Variants in CUBN observed in about 807,000 individuals in gnomAD.
The protein encoded by CUBN is 460 kDa receptor.
CUBN carries 282 observed loss-of-function variants against 405.3 expected under a neutral mutation model. The observed-to-expected ratio is 0.70, with a 90% confidence interval of 0.63 to 0.77. The LOEUF is 0.77. Among genes scored for constraint, CUBN ranks in the 30% least tolerant of loss-of-function variants. The probability of loss-of-function intolerance (pLI) is 0.00; values close to 1 mark genes in which losing one functional copy is unlikely to be tolerated. For synonymous variants in CUBN, 1,684 were observed against 1,617.0 expected, an observed-to-expected ratio of 1.04 and a Z score of -0.99; for missense variants, 4,514 against 4,475.2, an observed-to-expected ratio of 1.01 and a Z score of -0.25.
intron 5 of CUBN, chr10:17,123,350 C>A: frequency 1.7e-6 from 1 of 579,572 alleles, no homozygotes; most frequent in Non-Finnish European, 3.1e-6. Context: ...ATATTGTGTT[C>A]TTCCAGGCAG....
chr10:16,888,281 G>A, intron 56 of CUBN, 136 bp downstream of exon 56: 1 of 733,824 alleles, frequency 1.4e-6, no homozygotes, highest in Admixed American at 2.1e-5. Context: ...TGCTAAGTAA[G>A]TGAGTGAGCA....
intron 26 of CUBN, among the ~76,000 whole-genome samples, chr10:17,043,281 T>C (rs942369036): frequency 6.6e-6 from 1 of 152,186 alleles, no homozygotes; most frequent in Non-Finnish European, 1.5e-5. Context: ...TAAAATGGCA[T>C]CTGTACAATG....
chr10:16,974,538 G>GA (rs143101224), intron 31 of CUBN, among the ~76,000 whole-genome samples: 69,993 of 151,450 alleles, frequency 0.46, 16,487 homozygotes, highest in Non-Finnish European at 0.5. Context: ...ATGCCTGGCT[G>GA]CTTTTTATAT....
In CUBN at chr10:16,847,363, A is replaced by G. The variant is rs1257639342; in HGVS notation, c.9663+3872T>C. 3.3e-5 allele frequency among the ~76,000 whole-genome samples: 5 copies of G among 152,088 alleles called. No individual in the cohort carries two copies. In the East Asian group the frequency reaches 7.7e-4, roughly 24 times the overall value. Reference sequence around the variant, plus strand: ...GCTACTCAGGAGGCTGAGGCAGGAGAATGGCGTGAACCCGGGAGACAGAGC... The same window carrying G: ...GCTACTCAGGAGGCTGAGGCAGGAGGATGGCGTGAACCCGGGAGACAGAGC... On this transcript the variant is annotated intron_variant, in intron 60 of 66. Transcript: ENST00000377833.
intron 24 of CUBN, among the ~76,000 whole-genome samples, 164 bp from the exon 25 acceptor site, chr10:17,045,352 T>C (rs1835107051): frequency 6.7e-6 from 1 of 148,326 alleles, no homozygotes; most frequent in Admixed American, 6.7e-5. Flanking sequence ...CAATTTTTAT[T>C]TTTTTCTATT....
At chr10:16,949,466 G>C (rs1338928990) in intron 34 of CUBN, among the ~76,000 whole-genome samples, 1 of 35,086 alleles carries the variant, frequency 2.9e-5, no homozygotes, top group Admixed American at 2.8e-4. Flanking sequence ...TGTGTGTGTA[G>C]TGTGTGTGTG....
chr10:17,081,295 G>C (rs1420474724), intron 17 of CUBN, among the ~76,000 whole-genome samples: 1 of 152,078 alleles, frequency 6.6e-6, no homozygotes, highest in Non-Finnish European at 1.5e-5. Flanking sequence ...ATTCTTAAAA[G>C]TACACCTATT....
At chr10:16,910,698 T>C (rs1044623306) in intron 48 of CUBN, among the ~76,000 whole-genome samples, 1 of 151,842 alleles carries the variant, frequency 6.6e-6, no homozygotes, top group Non-Finnish European at 1.5e-5. Context: ...AAACAGGAGA[T>C]AGGAACATGA....
chr10:17,012,238 G>A (rs1011236290), intron 28 of CUBN, among the ~76,000 whole-genome samples: 5 of 152,204 alleles, frequency 3.3e-5, no homozygotes, highest in African/African-American at 1.2e-4. Flanking sequence ...TAGCAAGATG[G>A]CTGCCATGGG....
intron 31 of CUBN, among the ~76,000 whole-genome samples, chr10:16,977,744 C>T (rs1221811278): frequency 6.6e-6 from 1 of 152,186 alleles, no homozygotes; most frequent in Admixed American, 6.5e-5. Context: ...GAGTTGTAGG[C>T]ACCCACCCCT....
chr10:16,888,075 G>A (rs1840874007), intron 56 of CUBN, among the ~76,000 whole-genome samples: 1 of 152,160 alleles, frequency 6.6e-6, no homozygotes, highest in Non-Finnish European at 1.5e-5. Flanking sequence ...AGGCTGGTAG[G>A]GTATGTGGGA....
chr10:16,947,235 A>G lies in CUBN; in HGVS notation c.5342T>C (p.Ile1781Thr), dbSNP rs762832569. The G allele has an allele frequency of 6.2e-7, 1 of 1,614,080 alleles. No homozygotes were observed. The highest frequency in any genetic ancestry group is 1.7e-5 in the Admixed American group (1 of 60,010). Residue 1781 changes from isoleucine (I) to threonine (T), a missense_variant and splice_region_variant, in exon 36 of 67, where the codon ATA becomes ACA. Ile to Thr is a moderately conservative substitution (Grantham distance 89). Coordinates refer to ENST00000377833, the MANE Select transcript of CUBN (RefSeq NM_001081.4). ...SPGNRLQLSF[I>T]SFQLEDSQDC... ...CAATACACCATAAAAAAGGATTTAC[A>G]TAAAAGACAGCTGGAGCCGGTTGCC...
chr10:16,835,713 T>A (rs1839148552), intron 63 of CUBN, among the ~76,000 whole-genome samples: 1 of 151,758 alleles, frequency 6.6e-6, no homozygotes, highest in African/African-American at 2.4e-5. Flanking sequence ...CTAAATAAAG[T>A]GTTCTGTGAA....
At chr10:17,066,979 T>C (rs1282261216) in intron 21 of CUBN, among the ~76,000 whole-genome samples, 1 of 152,082 alleles carries the variant, frequency 6.6e-6, no homozygotes, top group Admixed American at 6.6e-5. Context: ...CAAATGAGTT[T>C]AAAGGCAAAA....
At position 16,947,219 on chromosome 10, in the gene CUBN, A is replaced by AT; in HGVS notation, c.5342+15dup. 6.2e-7 allele frequency: 1 copy of AT among 1,613,790 alleles called. No homozygotes were observed. The highest frequency in any genetic ancestry group is 1.1e-5 in the South Asian group (1 of 91,078). On this transcript the variant is annotated intron_variant, in intron 36 of 66. Transcript: ENST00000377833. ...TTCATTAGCACTGAAACAATACACC[A>AT]TAAAAAAGGATTTACATAAAAGACA...
intron 8 of CUBN, 136 bp from the exon 9 acceptor site, chr10:17,111,186 G>A: frequency 9.7e-7 from 1 of 1,031,330 alleles, no homozygotes. Flanking sequence ...TATCAGATTG[G>A]CAAAAGTTGT....
Position 17,105,486 on chromosome 10 carries a change from T to G in CUBN, c.1201A>C (p.Ser401Arg), listed in dbSNP as rs1434711386. 1.2e-6 allele frequency: 2 copies of G among 1,608,138 alleles called. No individual in the cohort carries two copies. The highest frequency in any genetic ancestry group is 8.5e-7 in the Non-Finnish European group (1 of 1,174,382). ...GCVQLSNICL[S>R]HPCLNGQCID... ...CATTGTCCATTTAGACAGGGGTGACTTAGGCAAATATTACTGAGCTGCACA... is the reference window on the plus strand; with the variant it reads ...CATTGTCCATTTAGACAGGGGTGACGTAGGCAAATATTACTGAGCTGCACA... Residue 401 changes from serine to arginine, a missense_variant, in exon 11 of 67, where the codon AGT becomes CGT. Around this residue, in one of 5 missense-constraint regions of CUBN, gnomAD observed 1,448 missense variants for 1,388.0 expected, o/e 1.04. Coordinates refer to ENST00000377833, the MANE Select transcript of CUBN (RefSeq NM_001081.4).
chr10:16,883,595 T>G (rs1482808472), intron 56 of CUBN, among the ~76,000 whole-genome samples: 2 of 152,158 alleles, frequency 1.3e-5, no homozygotes, highest in Non-Finnish European at 2.9e-5. Context: ...GGGAAAAAAA[T>G]GTCAAAAAGA....
chr10:16,946,730 A>G (rs752210065), intron 36 of CUBN, among the ~76,000 whole-genome samples: 3 of 152,060 alleles, frequency 2.0e-5, no homozygotes, highest in Non-Finnish European at 4.4e-5. Flanking sequence ...TCTTGATCTC[A>G]AGTGATCCAC....
Sources: gnomAD v4.1 joint callset for allele counts (sites outside exome capture counted in the v4.1 genomes callset) on GRCh38, gnomAD v4.1.1 for gene constraint, gnomAD v4.1.1 regional missense constraint, MANE v1.5 for transcripts, NCBI Gene and HGNC (gene_info 2026-07-23, HGNC 2026-07-21) for gene names.